Variants in FAM117B observed in about 807,000 individuals in gnomAD.
The protein encoded by FAM117B is protein FAM117B.
In FAM117B, 22 loss-of-function variants were observed where a neutral mutation model predicts 52.8. The ratio of observed to expected loss-of-function variants is 0.42; its 90% confidence interval spans 0.30 to 0.59. The LOEUF is 0.59. Among genes scored for constraint, FAM117B ranks in the 20% least tolerant of loss-of-function variants. The probability of loss-of-function intolerance (pLI) is 0.22; values close to 1 mark genes in which losing one functional copy is unlikely to be tolerated. For missense variants in FAM117B, 678 were observed against 802.6 expected (o/e 0.84, Z 1.88); for synonymous variants, 309 against 324.1 (o/e 0.95, Z 0.50).
At chr2:202,682,445 TCTCACCTGCGCTCCCC>T (rs537544507) in intron 1 of FAM117B, among the ~76,000 whole-genome samples, 1 of 152,246 alleles carries the variant, frequency 6.6e-6, no homozygotes, top group South Asian at 2.1e-4. Context: ...CACTGCACTC[TCTCACCTGCGCTCCCC>T]CTCCTGCGAG....
At chr2:202,748,624 A>T (rs1345480139) in intron 4 of FAM117B, among the ~76,000 whole-genome samples, 2 of 152,146 alleles carry the variant, frequency 1.3e-5, no homozygotes, top group Non-Finnish European at 2.9e-5. Context: ...CTGACTAGAC[A>T]TTTCTTAGAA....
At chr2:202,644,053 GT>G (rs1219743876) in intron 1 of FAM117B, among the ~76,000 whole-genome samples, 17 of 60,148 alleles carry the variant, frequency 2.8e-4, no homozygotes, top group South Asian at 1.3e-3. Context: ...TTTAGGAGCT[GT>G]TTTTTTTTTG....
intron 1 of FAM117B, among the ~76,000 whole-genome samples, chr2:202,681,638 T>G (rs1690464577): frequency 6.6e-6 from 1 of 152,260 alleles, no homozygotes; most frequent in Non-Finnish European, 1.5e-5. Flanking sequence ...AAAGCAGTGT[T>G]CAACATTTGT....
At chr2:202,699,426 C>CAAAAAAAAAAAAAAAAAAAAA (rs751190825) in intron 2 of FAM117B, among the ~76,000 whole-genome samples, 11 of 17,868 alleles carry the variant, frequency 6.2e-4, no homozygotes, top group Non-Finnish European at 1.1e-3. Context: ...GACCCCATCT[C>CAAAAAAAAAAAAAAAAAAAAA]AAAAAAAAAA....
At chr2:202,681,020 A>G (rs762664543) in intron 1 of FAM117B, among the ~76,000 whole-genome samples, 1 of 152,232 alleles carries the variant, frequency 6.6e-6, no homozygotes, top group Non-Finnish European at 1.5e-5. Context: ...CAATGTCTAC[A>G]TGAAATGAAT....
At chr2:202,686,815 A>G (rs1690548280) in intron 1 of FAM117B, among the ~76,000 whole-genome samples, 1 of 152,066 alleles carries the variant, frequency 6.6e-6, no homozygotes, top group African/African-American at 2.4e-5. Context: ...CAAAAAAAAA[A>G]AAAGAGGTAT....
At chr2:202,658,313 A>T (rs1397432489) in intron 1 of FAM117B, among the ~76,000 whole-genome samples, 1 of 151,964 alleles carries the variant, frequency 6.6e-6, no homozygotes, top group African/African-American at 2.4e-5. Context: ...TATCTTTTTT[A>T]AAAAAATTGA....
At chr2:202,686,671 G>A (rs965205451) in intron 1 of FAM117B, among the ~76,000 whole-genome samples, 1 of 152,022 alleles carries the variant, frequency 6.6e-6, no homozygotes, top group African/African-American at 2.4e-5. Context: ...GCCAGGTTTG[G>A]TGGCATATGC....
intron 1 of FAM117B, among the ~76,000 whole-genome samples, chr2:202,692,158 A>G (rs912950509): frequency 6.5e-4 from 99 of 152,190 alleles, no homozygotes; most frequent in Non-Finnish European, 1.4e-3. Flanking sequence ...TAATATAGAG[A>G]GGTGTCAAGA....
chr2:202,736,983 G>T (rs747079562), intron 4 of FAM117B, among the ~76,000 whole-genome samples: 3 of 152,072 alleles, frequency 2.0e-5, no homozygotes, highest in African/African-American at 4.8e-5. Flanking sequence ...CCACAGATGA[G>T]CCAATGCTAG....
chr2:202,650,773 G>C (rs983798114), intron 1 of FAM117B, among the ~76,000 whole-genome samples: 1 of 152,006 alleles, frequency 6.6e-6, no homozygotes, highest in Non-Finnish European at 1.5e-5. Flanking sequence ...CATCCAGCAC[G>C]GGAGAAAGAT....
At chr2:202,640,338 A>ATG (rs1689752748) in intron 1 of FAM117B, among the ~76,000 whole-genome samples, 3 of 110,502 alleles carry the variant, frequency 2.7e-5, no homozygotes, top group African/African-American at 6.8e-5. Flanking sequence ...ATATATATAT[A>ATG]TATATGGCAA....
At chr2:202,734,576 T>C (rs1691410005) in intron 4 of FAM117B, among the ~76,000 whole-genome samples, 1 of 152,230 alleles carries the variant, frequency 6.6e-6, no homozygotes, top group Non-Finnish European at 1.5e-5. Context: ...AACAGTGCAC[T>C]CTGAGGTCAG....
At chr2:202,666,265 TAAAC>T (rs2105763374) in intron 1 of FAM117B, among the ~76,000 whole-genome samples, 1 of 151,956 alleles carries the variant, frequency 6.6e-6, no homozygotes, top group East Asian at 1.9e-4. Context: ...GTTAGCAAAA[TAAAC>T]ATGAAAATTG....
chr2:202,647,221 G>A (rs1346429525), intron 1 of FAM117B, among the ~76,000 whole-genome samples: 1 of 151,870 alleles, frequency 6.6e-6, no homozygotes, highest in Non-Finnish European at 1.5e-5. Context: ...AAACCATAAA[G>A]CAAGGCAATA....
chr2:202,696,060 A>G (rs1190276004), intron 2 of FAM117B, 28 bp downstream of exon 2: 1 of 1,604,256 alleles, frequency 6.2e-7, no homozygotes, highest in South Asian at 1.1e-5. Flanking sequence ...CTTATCCTGA[A>G]GTGTTTTTCT....
At chr2:202,736,377 T>A (rs1424349267) in intron 4 of FAM117B, among the ~76,000 whole-genome samples, 2 of 151,744 alleles carry the variant, frequency 1.3e-5, no homozygotes, top group Non-Finnish European at 2.9e-5. Flanking sequence ...ATATTAAGAA[T>A]GAAGGCCACA....
intron 2 of FAM117B, among the ~76,000 whole-genome samples, chr2:202,714,540 T>C (rs1290708189): frequency 1.4e-5 from 2 of 146,210 alleles, no homozygotes; most frequent in South Asian, 2.1e-4. Context: ...TTTCTTTTTT[T>C]TTTTTTTTTT....
chr2:202,720,743 C>T (rs573878726), intron 2 of FAM117B, among the ~76,000 whole-genome samples: 1 of 151,952 alleles, frequency 6.6e-6, no homozygotes, highest in South Asian at 2.1e-4. Context: ...GCACTTTTTT[C>T]CTTAATTACA....
Sources: allele counts gnomAD v4.1 joint callset (sites outside exome capture counted in the v4.1 genomes callset), GRCh38; gene constraint gnomAD v4.1.1; transcripts MANE v1.5; gene names NCBI Gene and HGNC (gene_info 2026-07-23, HGNC 2026-07-21).